The following ZMAT4 variants were observed in gnomAD, a reference collection of about 807,000 sequenced individuals.
ZMAT4 encodes the protein zinc finger matrin-type 4, also known as zinc finger matrin-type protein 4.
ZMAT4 carries 17 observed loss-of-function variants against 28.7 expected under a neutral mutation model. That is an observed-to-expected ratio of 0.59 (90% CI 0.41 to 0.89). The LOEUF is 0.89. Among genes scored for constraint, ZMAT4 ranks in the 40% least tolerant of loss-of-function variants. ZMAT4 has a pLI of 0.00. For missense variants in ZMAT4, 240 were observed against 283.8 expected, an observed-to-expected ratio of 0.85 and a Z score of 1.11; for synonymous variants, 117 against 109.2, an observed-to-expected ratio of 1.07 and a Z score of -0.44.
At chr8:40,745,172 C>T (rs964375009) in intron 3 of ZMAT4, among the ~76,000 whole-genome samples, 4 of 152,084 alleles carry the variant, frequency 2.6e-5, no homozygotes, top group East Asian at 1.9e-4. Context: ...ATAATTCAAT[C>T]GTTTCTAGCC....
chr8:40,550,236 C>T (rs79559197), intron 6 of ZMAT4, among the ~76,000 whole-genome samples: 14 of 152,254 alleles, frequency 9.2e-5, no homozygotes, highest in African/African-American at 3.4e-4. Context: ...GGCTCCACCT[C>T]CCAAAGGCCC....
intron 2 of ZMAT4, among the ~76,000 whole-genome samples, chr8:40,770,459 G>A (rs1205850460): frequency 4.0e-5 from 6 of 151,888 alleles, no homozygotes; most frequent in Non-Finnish European, 7.4e-5. Flanking sequence ...CCTGAGGATG[G>A]AGACCTGCCA....
chr8:40,649,393 C>T (rs1439029244), intron 5 of ZMAT4, among the ~76,000 whole-genome samples: 3 of 152,126 alleles, frequency 2.0e-5, no homozygotes, highest in Non-Finnish European at 2.9e-5. Flanking sequence ...AATATATATG[C>T]ACCCAATACA....
intron 3 of ZMAT4, among the ~76,000 whole-genome samples, chr8:40,715,047 C>CAAAAAAAAAAAAA (rs10690797): frequency 8.2e-5 from 6 of 73,348 alleles, no homozygotes; most frequent in Admixed American, 1.7e-4. Flanking sequence ...GACTCTGTCT[C>CAAAAAAAAAAAAA]AAAAAAAAAA....
At chr8:40,545,819 C>A (rs558586795) in intron 6 of ZMAT4, among the ~76,000 whole-genome samples, 2 of 151,584 alleles carry the variant, frequency 1.3e-5, no homozygotes, top group Admixed American at 6.6e-5. Context: ...GTTATGGCAG[C>A]CCTAGGAATT....
chr8:40,612,851 C>T (rs1416242110), intron 5 of ZMAT4, among the ~76,000 whole-genome samples: 2 of 75,938 alleles, frequency 2.6e-5, no homozygotes, highest in Non-Finnish European at 3.6e-5. Flanking sequence ...TTGCTCTTGT[C>T]CCCCAGGCTG....
At chr8:40,684,859 T>C (rs1428577879) in intron 4 of ZMAT4, among the ~76,000 whole-genome samples, 1 of 152,130 alleles carries the variant, frequency 6.6e-6, no homozygotes, top group Non-Finnish European at 1.5e-5. Context: ...GTGAGTGGAA[T>C]GCCTGTGTCT....
chr8:40,645,832 T>G (rs10109815), intron 5 of ZMAT4, among the ~76,000 whole-genome samples: 1,625 of 152,206 alleles, frequency 0.011, 25 homozygotes, highest in African/African-American at 0.037. Context: ...AAGTATAGTA[T>G]TCACAGTTGT....
chr8:40,583,782 G>A (rs1335114042), intron 5 of ZMAT4, among the ~76,000 whole-genome samples: 2 of 152,134 alleles, frequency 1.3e-5, no homozygotes, highest in Non-Finnish European at 2.9e-5. Context: ...GACAACTTGA[G>A]GCGGGGACTT....
At chr8:40,681,078 A>G (rs942934334) in intron 4 of ZMAT4, among the ~76,000 whole-genome samples, 1 of 152,158 alleles carries the variant, frequency 6.6e-6, no homozygotes. Context: ...TGTCTGGTCA[A>G]TAAGGCAGCT....
At chr8:40,888,719 T>C (rs1261338152) in intron 1 of ZMAT4, among the ~76,000 whole-genome samples, 3 of 152,218 alleles carry the variant, frequency 2.0e-5, no homozygotes, top group Non-Finnish European at 4.4e-5. Context: ...GCAAACACAT[T>C]CTGGAAAAGC....
At chr8:40,880,980 A>G (rs894813947) in intron 1 of ZMAT4, among the ~76,000 whole-genome samples, 2 of 152,148 alleles carry the variant, frequency 1.3e-5, no homozygotes, top group Non-Finnish European at 2.9e-5. Flanking sequence ...AGTATGACAC[A>G]GCGTCTTCCC....
chr8:40,591,327 G>C (rs1804886476), intron 5 of ZMAT4, among the ~76,000 whole-genome samples: 1 of 152,130 alleles, frequency 6.6e-6, no homozygotes, highest in Non-Finnish European at 1.5e-5. Context: ...TTCATGCATG[G>C]GGCAAGGCCA....
intron 5 of ZMAT4, among the ~76,000 whole-genome samples, chr8:40,593,120 T>C (rs958740744): frequency 8.5e-5 from 13 of 152,222 alleles, no homozygotes; most frequent in African/African-American, 3.1e-4. Context: ...GTTTTTTCTT[T>C]CCTTCCCATG....
chr8:40,629,466 T>C (rs2589874), intron 5 of ZMAT4, among the ~76,000 whole-genome samples: 83,728 of 149,440 alleles, frequency 0.56, 24,652 homozygotes, highest in East Asian at 0.69. Context: ...GCAGGTTTGT[T>C]ACATATGTAT....
At chr8:40,799,278 GAGAA>G (rs1249080869) in intron 2 of ZMAT4, among the ~76,000 whole-genome samples, 1 of 152,192 alleles carries the variant, frequency 6.6e-6, no homozygotes. Flanking sequence ...GACAGATAGA[GAGAA>G]AGAGAGACAG....
chr8:40,556,447 A>G (rs1803539538), intron 6 of ZMAT4, among the ~76,000 whole-genome samples: 1 of 152,122 alleles, frequency 6.6e-6, no homozygotes, highest in Non-Finnish European at 1.5e-5. Flanking sequence ...GGATTGTTTT[A>G]TACAACTGTC....
chr8:40,673,309 G>C (rs1437413554), intron 5 of ZMAT4, among the ~76,000 whole-genome samples: 1 of 152,084 alleles, frequency 6.6e-6, no homozygotes, highest in African/African-American at 2.4e-5. Context: ...ACTCATTGTA[G>C]CATGACCTTT....
Position 40,531,200 on chromosome 8 carries a change from G to A in ZMAT4, c.*1023C>T, listed in dbSNP as rs1253404843. 6.6e-6 allele frequency: 1 copy of A among 152,126 alleles called. No individual in the cohort carries two copies. The highest frequency in any genetic ancestry group is 1.5e-5 in the Non-Finnish European group (1 of 68,048). The allele number at this position is 152,126 out of a possible 1,614,324, so 9.4% of individuals were successfully genotyped here. On this transcript the variant is annotated 3_prime_UTR_variant, in exon 7 of 7. Transcript: ENST00000297737. ...GCACTCAGACGCTCCCCATCAGAAA[G>A]GAACTGTTTTCTTTATCGGTCATGC...
Sources: gnomAD v4.1 joint callset for allele counts (sites outside exome capture counted in the v4.1 genomes callset) on GRCh38, gnomAD v4.1.1 for gene constraint, MANE v1.5 for transcripts, NCBI Gene and HGNC (gene_info 2026-07-23, HGNC 2026-07-21) for gene names.